Variants in TBC1D8B observed in about 807,000 individuals in gnomAD.
TBC1D8B encodes RP11-321G1.1.
TBC1D8B carries 75 observed loss-of-function variants against 82.9 expected under a neutral mutation model. That is an observed-to-expected ratio of 0.90 (90% CI 0.75 to 1.10). The LOEUF (loss-of-function observed/expected upper bound fraction) is 1.10. Among genes scored for constraint, TBC1D8B ranks in the 50% least tolerant of loss-of-function variants. The pLI, the probability that TBC1D8B is intolerant of heterozygous loss-of-function variation, is 0.00. For synonymous variants in TBC1D8B, 276 were observed against 276.8 expected, an observed-to-expected ratio of 1.00 and a Z score of 0.03; for missense variants, 794 against 796.9, an observed-to-expected ratio of 1.00 and a Z score of 0.04.
In TBC1D8B at chrX:106,823,303, G is replaced by A. The variant is rs748241860; in HGVS notation, c.664G>A (p.Val222Met). ...SNVILTESIH[V>M]CSQGENHYFS... ...TGTCATACTGACAGAGAGTATTCAC[G>A]TGTGTTCCCAAGGAGAGAATCACTA... Residue 222 changes from valine to methionine, a missense_variant, in exon 5 of 21, where the codon GTG becomes ATG. Transcript: ENST00000357242. 1.1e-5 allele frequency: 13 copies of A among 1,208,124 alleles called. No homozygotes were observed. The highest frequency in any genetic ancestry group is 2.3e-4 in the Middle Eastern group (1 of 4,342).
In TBC1D8B at chrX:106,857,636, G is replaced by T. The variant is rs768705366; in HGVS notation, c.2352+3340G>T. On this transcript the variant is annotated intron_variant, in intron 14 of 20. Transcript: ENST00000357242. ...TGTGTCCATGTGTACTCAATGTTTA[G>T]CTCCCACTTATAAGTGAGAACATGC... Among the ~76,000 whole-genome samples, 6 of 111,515 alleles carry T rather than the reference G, an allele frequency of 5.4e-5. 1 individual carries two copies. In the South Asian group the frequency reaches 2.3e-3, roughly 43 times the overall value.
rs964172404 is a variant in TBC1D8B, at chrX:106,839,187, T to G, written c.1204-121T>G. On this transcript the variant is annotated intron_variant, in intron 7 of 20. Transcript: ENST00000357242. ...TTTTGATAGGTATGTCTCTGAGATA[T>G]TGCTTTAATATTTGTTATGTATACA... The G allele has an allele frequency of 4.0e-5, 30 of 752,907 alleles. No homozygotes were observed. In the Admixed American group the frequency reaches 1.1e-3, roughly 29 times the overall value. 62.0% of individuals were successfully genotyped at this position (752,907 alleles called of 1,213,427 possible).
At chrX:106,803,073 T>A in intron 1 of TBC1D8B, 90 bp downstream of exon 1, 1 of 1,025,266 alleles carries the variant, frequency 9.8e-7, no homozygotes, top group Non-Finnish European at 1.3e-6. Flanking sequence ...GCTACCAGTT[T>A]CCCGATCCTA....
intron 12 of TBC1D8B, 84 bp from the exon 13 acceptor site, chrX:106,853,434 AACT>A: frequency 4.1e-6 from 4 of 972,713 alleles, no homozygotes; most frequent in Non-Finnish European, 5.7e-6. Context: ...AGTAACCTCT[AACT>A]AACTAGGGAG....
chrX:106,840,000 G>T (rs753347865), intron 8 of TBC1D8B, 48 bp from the exon 9 acceptor site: 39 of 1,116,016 alleles, frequency 3.5e-5, no homozygotes, highest in Non-Finnish European at 4.6e-5. Flanking sequence ...TTTTGCAGAA[G>T]TTAATTTCTC....
At chrX:106,859,157 T>C (rs917250254) in intron 14 of TBC1D8B, among the ~76,000 whole-genome samples, 5 of 112,277 alleles carry the variant, frequency 4.5e-5, no homozygotes, top group African/African-American at 1.6e-4. Flanking sequence ...TCTAGCTTTG[T>C]TCATTTTGCT....
At chrX:106,856,792 A>G (rs1440065668) in intron 14 of TBC1D8B, among the ~76,000 whole-genome samples, 7 of 111,632 alleles carry the variant, frequency 6.3e-5, no homozygotes, top group African/African-American at 2.3e-4. Context: ...AATTTTCATC[A>G]TCTAGGTCTT....
At chrX:106,839,078 A>G (rs1299388460) in intron 7 of TBC1D8B, among the ~76,000 whole-genome samples, 2 of 111,496 alleles carry the variant, frequency 1.8e-5, no homozygotes, top group Admixed American at 9.5e-5. Context: ...ATGTTTTGCC[A>G]CTATTTTGTT....
chrX:106,874,105 A>C lies in TBC1D8B; in HGVS notation c.*140A>C. 1.9e-6 allele frequency: 1 copy of C among 533,246 alleles called. No homozygotes were observed. The highest frequency in any genetic ancestry group is 2.8e-6 in the Non-Finnish European group (1 of 360,058). 43.9% of individuals were successfully genotyped at this position (533,246 alleles called of 1,213,427 possible). On this transcript the variant is annotated 3_prime_UTR_variant, in exon 21 of 21. Coordinates refer to ENST00000357242, the MANE Select transcript of TBC1D8B (RefSeq NM_017752.3). ...AAATATATATCCAGAAGCACAATGC[A>C]TCATTCCTTTGTTGTTGATAATGGG...
chrX:106,848,194 T>C lies in TBC1D8B; in HGVS notation c.1728T>C (p.Asn576=). 1 of 1,178,480 alleles carries C rather than the reference T, an allele frequency of 8.5e-7. No individual in the cohort carries two copies. Among genetic ancestry groups the C allele is most frequent in the African/African-American group, 1.7e-5 (1 of 57,254 alleles). Residue 576 remains asparagine, a synonymous_variant, in exon 11 of 21, where the codon AAT becomes AAC. Transcript: ENST00000357242. ...NPKIGYCQAM[N]ILTSVLLLYA... is the part of the protein sequence containing the mutation. ...TTTTCTATGAATTTTAGGCAATGAA[T>C]ATTTTGACTTCAGTGCTGCTTCTAT...
intron 14 of TBC1D8B, 86 bp downstream of exon 14, chrX:106,854,382 A>G (rs1932654781): frequency 3.4e-6 from 2 of 584,243 alleles, no homozygotes; most frequent in Non-Finnish European, 2.5e-6. Flanking sequence ...CTGGGCGAAT[A>G]AAATGAAAAG....
chrX:106,855,660 T>G (rs1036646470), intron 14 of TBC1D8B, among the ~76,000 whole-genome samples: 1 of 112,311 alleles, frequency 8.9e-6, no homozygotes, highest in African/African-American at 3.2e-5. Context: ...CCTTTTTTGC[T>G]CTTACAAATA....
rs150400702 is a variant in TBC1D8B, at chrX:106,840,324, G to A, written c.1504+126G>A. ...ACAAAGTCTTACTCATCTTGAGTTC[G>A]GACTAGTCAAAGAAAGAAAGGTAAG... On this transcript the variant is annotated intron_variant, in intron 9 of 20. Transcript: ENST00000357242. 110 of 708,654 alleles carry A rather than the reference G, an allele frequency of 1.6e-4. No homozygotes were observed. In the Admixed American group the frequency reaches 4.1e-3, roughly 26 times the overall value. The allele number at this position is 708,654 out of a possible 1,213,427, so 58.4% of individuals were successfully genotyped here.
intron 16 of TBC1D8B, among the ~76,000 whole-genome samples, chrX:106,866,470 A>T (rs757443691): frequency 8.0e-5 from 9 of 112,086 alleles, no homozygotes; most frequent in Non-Finnish European, 1.5e-4. Flanking sequence ...ATACCCCAGC[A>T]TGCTTTCTTA....
At chrX:106,851,563 C>T (rs1932586010) in intron 12 of TBC1D8B, among the ~76,000 whole-genome samples, 1 of 110,598 alleles carries the variant, frequency 9.0e-6, no homozygotes, top group African/African-American at 3.3e-5. Context: ...TATCCCTCTC[C>T]CCTCCCCCAC....
At chrX:106,831,914 A>G (rs766014786) in intron 7 of TBC1D8B, among the ~76,000 whole-genome samples, 1 of 111,497 alleles carries the variant, frequency 9.0e-6, no homozygotes, top group Non-Finnish European at 1.9e-5. Flanking sequence ...ATATTGACCC[A>G]TTTTAGTATC....
At chrX:106,844,412 G>T (rs1310752402) in intron 10 of TBC1D8B, among the ~76,000 whole-genome samples, 1 of 107,216 alleles carries the variant, frequency 9.3e-6, no homozygotes, top group Non-Finnish European at 1.9e-5. Flanking sequence ...TTTTTATCAT[G>T]AAGGAGTATT....
At position 106,869,515 on chromosome X, in the gene TBC1D8B, A is replaced by C; in HGVS notation, c.2843A>C (p.Glu948Ala). The change falls in exon 19 of 21, where the codon GAA becomes GCA. Residue 948 changes from glutamate to alanine, a missense_variant. Transcript: ENST00000357242. ...AAGCCTGCAAATGAGAAGGAAGCAG[A>C]ATCAGCAAAACACAGCCCTGAAAAA... ...VSKPANEKEA[E>A]SAKHSPEKGK... 1 of 1,209,201 alleles carries C rather than the reference A, an allele frequency of 8.3e-7. No homozygotes were observed. The highest frequency in any genetic ancestry group is 3.0e-5 in the East Asian group (1 of 33,734).
At chrX:106,849,333 G>A in intron 11 of TBC1D8B, 2 of 1,110,030 alleles carry the variant, frequency 1.8e-6, no homozygotes, top group Non-Finnish European at 2.4e-6. Context: ...GGTAGCACCT[G>A]GCATGCTCTT....
Sources: allele counts gnomAD v4.1 joint callset (sites outside exome capture counted in the v4.1 genomes callset), GRCh38; gene constraint gnomAD v4.1.1; transcripts MANE v1.5; gene names NCBI Gene and HGNC (gene_info 2026-07-23, HGNC 2026-07-21).